The following ECM2 variants were observed in gnomAD, a reference collection of about 807,000 sequenced individuals.
ECM2 encodes extracellular matrix protein 2.
A neutral mutation model predicts 67.5 loss-of-function variants in ECM2; 57 were observed. The observed-to-expected ratio is 0.84, with a 90% confidence interval of 0.68 to 1.05. The LOEUF is 1.05. Ranked by LOEUF, ECM2 falls within the 50% of genes least tolerant of loss-of-function variation. ECM2 has a pLI of 0.00. For missense variants in ECM2, 741 were observed against 822.8 expected, an observed-to-expected ratio of 0.90 and a Z score of 1.22; for synonymous variants, 258 against 294.5, an observed-to-expected ratio of 0.88 and a Z score of 1.27.
In ECM2 at chr9:92,517,754, G is replaced by A; in HGVS notation, c.414C>T (p.Cys138=). Reference sequence around the variant, plus strand: ...CTGTTTGGGGGCACCTCTGGGGATGGCACATGGTTTCATCACAAAGAACTC... The same window carrying A: ...CTGTTTGGGGGCACCTCTGGGGATGACACATGGTTTCATCACAAAGAACTC... ...DGRVLCDETM[C]HPQRCPQTVI... The change falls in exon 3 of 10, where the codon TGC becomes TGT. Residue 138 remains cysteine, a synonymous_variant. Transcript: ENST00000344604. The A allele has an allele frequency of 6.2e-7, 1 of 1,614,222 alleles. No homozygotes were observed.
chr9:92,556,200 A>G, the ECM2 span, among the ~76,000 whole-genome samples: 1 of 152,128 alleles, frequency 6.6e-6, no homozygotes, highest in Admixed American at 6.6e-5. Context: ...ATGGTTTTGA[A>G]GTTTCCTTTT....
chr9:92,509,016 A>T, intron 6 of ECM2, among the ~76,000 whole-genome samples: 1 of 151,980 alleles, frequency 6.6e-6, no homozygotes, highest in Non-Finnish European at 1.5e-5. Flanking sequence ...GCTAGAATTC[A>T]TGAAAAGTAA....
chr9:92,543,686 A>G, the ECM2 span, among the ~76,000 whole-genome samples: 4 of 152,132 alleles, frequency 2.6e-5, no homozygotes, highest in African/African-American at 9.7e-5. Context: ...CATGAACAAG[A>G]GATATCTTTT....
chr9:92,511,368 G>GC (rs11375471), intron 5 of ECM2, among the ~76,000 whole-genome samples: 55,932 of 151,032 alleles, frequency 0.37, 12,672 homozygotes, highest in African/African-American at 0.64. Context: ...CTCATGATCC[G>GC]CCCATCTTGG....
chr9:92,532,866 C>G (rs1563990824), intron 1 of ECM2, among the ~76,000 whole-genome samples: 3 of 151,962 alleles, frequency 2.0e-5, no homozygotes, highest in Admixed American at 1.3e-4. Flanking sequence ...TCTTCATATA[C>G]CTGATGACCT....
At chr9:92,499,795 T>G (rs145255168) in intron 9 of ECM2, among the ~76,000 whole-genome samples, 58 of 152,362 alleles carry the variant, frequency 3.8e-4, no homozygotes, top group African/African-American at 1.3e-3. Flanking sequence ...GGGGAAAGAC[T>G]AAGAGGCATA....
intron 1 of ECM2, among the ~76,000 whole-genome samples, chr9:92,531,670 G>A (rs1265072587): frequency 6.6e-6 from 1 of 152,022 alleles, no homozygotes; most frequent in Non-Finnish European, 1.5e-5. Flanking sequence ...ATTACCAAAT[G>A]TAACCCGCCC....
intron 1 of ECM2, among the ~76,000 whole-genome samples, chr9:92,531,350 T>C (rs1248489529): frequency 1.3e-5 from 2 of 152,180 alleles, no homozygotes; most frequent in Non-Finnish European, 2.9e-5. Context: ...TACCTCTTCC[T>C]GGACAATACA....
At chr9:92,522,982 G>A in intron 1 of ECM2, 89 bp from the exon 2 acceptor site, 1 of 1,249,488 alleles carries the variant, frequency 8.0e-7, no homozygotes. Flanking sequence ...GCCTCAGTAG[G>A]CAAGTCTTTG....
chr9:92,534,623 G>A (rs910957654), intron 1 of ECM2, among the ~76,000 whole-genome samples: 1 of 152,114 alleles, frequency 6.6e-6, no homozygotes, highest in African/African-American at 2.4e-5. Flanking sequence ...AGCATGTAAA[G>A]AAGGACCAAA....
chr9:92,532,037 T>TTTTTTTTTTTTTTTTTTTTTTTTTTC (rs1400197124), intron 1 of ECM2, among the ~76,000 whole-genome samples: 1 of 138,564 alleles, frequency 7.2e-6, no homozygotes, highest in African/African-American at 2.9e-5. Flanking sequence ...TTATTTTATT[T>TTTTTTTTTTTTTTTTTTTTTTTTTTC]TTTTTTTGAG....
chr9:92,540,621 A>G (rs1328233899), upstream of ECM2, among the ~76,000 whole-genome samples: 1 of 140,786 alleles, frequency 7.1e-6, no homozygotes, highest in African/African-American at 2.6e-5. Context: ...AAATACAAAA[A>G]TTAGCCGAGC....
rs573456779 is a variant in ECM2, at chr9:92,530,533, A to T, written c.-28+5400T>A. On this transcript the variant is annotated intron_variant, in intron 1 of 9. Coordinates refer to ENST00000344604, the MANE Select transcript of ECM2 (RefSeq NM_001393.4). The stretch of plus-strand genomic sequence containing the variant: ...TTTAATACTATTAACCTATTTGTTC[A>T]AATTGTCCTAATAATTTGCCTTGTT... Among the ~76,000 whole-genome samples, 42 of 152,332 alleles carry T rather than the reference A, an allele frequency of 2.8e-4. No individual in the cohort carries two copies. The South Asian group carries it at 8.5e-3, about 31-fold the overall frequency.
intron 9 of ECM2, among the ~76,000 whole-genome samples, chr9:92,497,665 A>C (rs1846427875): frequency 6.6e-6 from 1 of 151,546 alleles, no homozygotes; most frequent in African/African-American, 2.4e-5. Flanking sequence ...AAAAAAGGGT[A>C]GAAAAAATAC....
Position 92,517,859 on chromosome 9 carries a change from A to G in ECM2, c.309T>C (p.Cys103=), listed in dbSNP as rs764562092. The G allele has an allele frequency of 8.1e-6, 13 of 1,614,026 alleles. No homozygotes were observed. Among genetic ancestry groups the G allele is most frequent in the East Asian group, 2.2e-5 (1 of 44,888 alleles). Residue 103 remains cysteine (C), a synonymous_variant, in exon 3 of 10, where the codon TGT becomes TGC. Transcript: ENST00000344604. ...YNVLPGKKGH[C]LVKGITMYNK... is the part of the protein sequence containing the mutation. ...TGTACATGGTTATGCCCTTTACCAA[A>G]CAGTGTCCCTTCTTTCCTAGAAGAA...
chr9:92,504,184 T>TAAAAA (rs137882258), intron 7 of ECM2, among the ~76,000 whole-genome samples: 4,949 of 152,328 alleles, frequency 0.032, 124 homozygotes, highest in South Asian at 0.083. Context: ...CCACAAAGAA[T>TAAAAA]CTGACTTAGC....
chr9:92,522,859 A>G lies in ECM2; in HGVS notation c.8T>C (p.Ile3Thr), dbSNP rs767832829. The G allele has an allele frequency of 1.1e-5, 17 of 1,600,900 alleles. No individual in the cohort carries two copies. Among genetic ancestry groups the G allele is most frequent in the Non-Finnish European group, 1.4e-5 (16 of 1,176,210 alleles). The change falls in exon 2 of 10, where the codon ATT becomes ACT. Residue 3 changes from isoleucine (I) to threonine (T), a missense_variant. Physicochemically the swap from Ile to Thr is moderately conservative, Grantham distance 89 (BLOSUM62 -1). Coordinates refer to ENST00000344604, the MANE Select transcript of ECM2 (RefSeq NM_001393.4). Reference protein sequence around the residue: MKIAVLFCFFLLI... With the variant: MKTAVLFCFFLLI... ...CAGAAAAAAACAAAACAAAACTGCA[A>G]TCTTCATGTTTGATTTTTTTCCACC...
Position 92,505,623 on chromosome 9 carries a change from T to C in ECM2, c.1374A>G (p.Leu458=), listed in dbSNP as rs745678165. ...CTAGGCTCTTCAAAGGTTTGAAAGCTAAAGGATTGACATTGGCTTCACTGA... is the reference window on the plus strand; with the variant it reads ...CTAGGCTCTTCAAAGGTTTGAAAGCCAAAGGATTGACATTGGCTTCACTGA... ...NNLSEANVNP[L]AFKPLKSLAY... is the part of the protein sequence containing the mutation. The change falls in exon 7 of 10, where the codon TTA becomes TTG. Residue 458 remains leucine, a synonymous_variant. Transcript: ENST00000344604. 1.2e-6 allele frequency: 2 copies of C among 1,610,770 alleles called. No individual in the cohort carries two copies. The highest frequency in any genetic ancestry group is 1.7e-6 in the Non-Finnish European group (2 of 1,178,966).
chr9:92,530,616 A>G (rs190919169), intron 1 of ECM2, among the ~76,000 whole-genome samples: 2 of 152,126 alleles, frequency 1.3e-5, no homozygotes, highest in African/African-American at 2.4e-5. Flanking sequence ...TGGTGCATTT[A>G]TCATTAGGTG....
Sources: gnomAD v4.1 joint callset for allele counts (sites outside exome capture counted in the v4.1 genomes callset) on GRCh38, gnomAD v4.1.1 for gene constraint, MANE v1.5 for transcripts, NCBI Gene and HGNC (gene_info 2026-07-23, HGNC 2026-07-21) for gene names.